NOS2: variants seen among roughly 807,000 people sequenced by gnomAD.
NOS2 encodes the protein nitric oxide synthase, inducible.
A neutral mutation model predicts 136.0 loss-of-function variants in NOS2; 96 were observed. The ratio of observed to expected loss-of-function variants is 0.71; its 90% confidence interval spans 0.60 to 0.84. The LOEUF is 0.84. Ranked by LOEUF, NOS2 falls within the 40% of genes least tolerant of loss-of-function variation. The pLI, the probability that NOS2 is intolerant of heterozygous loss-of-function variation, is 0.00. For missense variants in NOS2, 1,237 were observed against 1,496.9 expected, an observed-to-expected ratio of 0.83 and a Z score of 2.87; for synonymous variants, 539 against 587.5, an observed-to-expected ratio of 0.92 and a Z score of 1.20.
chr17:27,769,478 C>T, intron 16 of NOS2, 57 bp downstream of exon 16: 1 of 1,491,578 alleles, frequency 6.7e-7, no homozygotes, highest in South Asian at 1.1e-5. Flanking sequence ...ATCCCCTGAA[C>T]CCAGACTTTG....
intron 15 of NOS2, among the ~76,000 whole-genome samples, chr17:27,769,954 A>G (rs544919737): frequency 2.7e-4 from 41 of 152,360 alleles, no homozygotes; most frequent in African/African-American, 9.9e-4. Flanking sequence ...AATTGGTCCT[A>G]CAGTCTCTGA....
chr17:27,786,848 T>C (rs1187926979), intron 5 of NOS2, among the ~76,000 whole-genome samples: 2 of 152,174 alleles, frequency 1.3e-5, no homozygotes, highest in Non-Finnish European at 2.9e-5. Flanking sequence ...ACAACCTCTC[T>C]TTGGATGATT....
At chr17:27,773,374 CCT>C (rs1172416516) in intron 12 of NOS2, 131 bp from the exon 13 acceptor site, 11 of 675,354 alleles carry the variant, frequency 1.6e-5, no homozygotes, top group Admixed American at 2.6e-5. Flanking sequence ...GCGCCCCACC[CCT>C]GTCACTGAAC....
intron 23 of NOS2, 82 bp downstream of exon 23, chr17:27,761,062 T>G: frequency 7.6e-7 from 1 of 1,319,014 alleles, no homozygotes; most frequent in African/African-American, 1.5e-5. Flanking sequence ...GAGCGTCTCC[T>G]AAACCCCAGA....
intron 20 of NOS2, among the ~76,000 whole-genome samples, chr17:27,765,118 G>A (rs1485801409): frequency 6.6e-6 from 1 of 152,160 alleles, no homozygotes; most frequent in East Asian, 1.9e-4. Flanking sequence ...GGCTGGGATT[G>A]GGATAACAGG....
chr17:27,794,905 C>T (rs1007225031), intron 2 of NOS2, among the ~76,000 whole-genome samples: 2 of 152,180 alleles, frequency 1.3e-5, no homozygotes, highest in African/African-American at 2.4e-5. Context: ...CCCCTTTGCA[C>T]GGCTGCTTCC....
chr17:27,800,268 G>A (rs942289764), intron 1 of NOS2, 71 bp downstream of exon 1: 1 of 152,152 alleles, frequency 6.6e-6, no homozygotes, highest in Non-Finnish European at 1.5e-5. Flanking sequence ...ACAATTTTCT[G>A]AGCCTTCTCA....
rs3730229 is a variant in NOS2 at position 27,768,972 on chromosome 17, C to T, written c.2034+5G>A. The T allele has an allele frequency of 6.3e-7, 1 of 1,595,482 alleles. No homozygotes were observed. Among genetic ancestry groups the T allele is most frequent in the Non-Finnish European group, 8.5e-7 (1 of 1,170,494 alleles). On this transcript the variant is annotated splice_donor_5th_base_variant and intron_variant, in intron 17 of 26. Transcript: ENST00000313735. Reference sequence around the variant, plus strand: ...GCTGTGGGGCAGCTCTGGCTGGGAACTGACCTTGAAGGTTTGCACGGCCCA... The same window carrying T: ...GCTGTGGGGCAGCTCTGGCTGGGAATTGACCTTGAAGGTTTGCACGGCCCA...
chr17:27,773,301 C>T (rs570504195), intron 12 of NOS2, 58 bp from the exon 13 acceptor site: 51 of 1,222,182 alleles, frequency 4.2e-5, no homozygotes, highest in Admixed American at 1.2e-4. Context: ...GCTCAGCTCG[C>T]GGATGCTGGA....
At chr17:27,787,599 G>C in intron 5 of NOS2, 79 bp downstream of exon 5, 1 of 1,096,108 alleles carries the variant, frequency 9.1e-7, no homozygotes, top group Non-Finnish European at 1.3e-6. Context: ...GATCTAGCTA[G>C]GATCAGAGGG....
intron 5 of NOS2, 33 bp from the exon 6 acceptor site, chr17:27,783,139 A>C (rs1349212379): frequency 6.2e-7 from 1 of 1,610,702 alleles, no homozygotes; most frequent in Non-Finnish European, 8.5e-7. Context: ...GAAGATCAAC[A>C]ATGAGATGGC....
At chr17:27,763,291 C>A (rs1908195470) in intron 21 of NOS2, among the ~76,000 whole-genome samples, 1 of 152,168 alleles carries the variant, frequency 6.6e-6, no homozygotes, top group South Asian at 2.1e-4. Flanking sequence ...GCTTTGGAAC[C>A]AATCAGACCT....
chr17:27,778,859 G>A, intron 10 of NOS2, 23 bp downstream of exon 10: 2 of 1,610,608 alleles, frequency 1.2e-6, no homozygotes, highest in Non-Finnish European at 1.7e-6. Flanking sequence ...CCTTCATCTG[G>A]CCAGCTGGGC....
intron 2 of NOS2, among the ~76,000 whole-genome samples, chr17:27,790,239 G>A (rs1488494120): frequency 2.0e-5 from 3 of 152,070 alleles, no homozygotes; most frequent in Non-Finnish European, 1.5e-5. Context: ...GACTACAGGC[G>A]CACACCACCA....
At chr17:27,778,500 C>T (rs546357158) in intron 11 of NOS2, among the ~76,000 whole-genome samples, 190 bp downstream of exon 11, 5 of 152,218 alleles carry the variant, frequency 3.3e-5, no homozygotes, top group South Asian at 4.1e-4. Context: ...AGTCCTTGAG[C>T]GATTGAGAGA....
chr17:27,772,430 G>C lies in NOS2; in HGVS notation c.1582C>G (p.Leu528Val). The C allele has an allele frequency of 1.2e-6, 2 of 1,614,022 alleles. No individual in the cohort carries two copies. The highest frequency in any genetic ancestry group is 1.7e-6 in the Non-Finnish European group (2 of 1,180,022). The change falls in exon 14 of 27, where the codon CTG becomes GTG. Residue 528 changes from leucine (L) to valine (V), a missense_variant. Physicochemically the swap from Leu to Val is conservative, Grantham distance 32. This residue lies in a region of NOS2 where 782 missense variants were observed against 909.9 expected (regional missense o/e 0.86). Coordinates refer to ENST00000313735, the MANE Select transcript of NOS2 (RefSeq NM_000625.4). ...LVKAVLFACM[L>V]MRKTMASRVR... The stretch of plus-strand genomic sequence containing the variant: ...CGGGACGCCATTGTCTTGCGCATCA[G>C]CATACAGGCAAAGAGCACAGCTCTG...
chr17:27,769,157 C>A lies in NOS2; in HGVS notation c.1860-6G>T. 6.2e-7 allele frequency: 1 copy of A among 1,603,710 alleles called. No homozygotes were observed. The highest frequency in any genetic ancestry group is 8.5e-7 in the Non-Finnish European group (1 of 1,176,790). On this transcript the variant is annotated splice_polypyrimidine_tract_variant and splice_region_variant and intron_variant, in intron 16 of 26. Coordinates refer to ENST00000313735, the MANE Select transcript of NOS2 (RefSeq NM_000625.4). Reference sequence around the variant, plus strand: ...CGAGGCCAAACACAGCGTACCTGCCCGAGGACACACACAGAGACACATGTC... The same window carrying A: ...CGAGGCCAAACACAGCGTACCTGCCAGAGGACACACACAGAGACACATGTC...
At chr17:27,789,808 G>T in intron 2 of NOS2, 120 bp from the exon 3 acceptor site, 1 of 692,326 alleles carries the variant, frequency 1.4e-6, no homozygotes, top group Non-Finnish European at 2.6e-6. Flanking sequence ...GGGTGGGAGT[G>T]AATTGTTCAT....
chr17:27,782,857 G>C (rs2142518741), intron 6 of NOS2, 87 bp downstream of exon 6: 1 of 1,368,728 alleles, frequency 7.3e-7, no homozygotes, highest in Non-Finnish European at 1.0e-6. Context: ...AGGAGGCCTG[G>C]GCACAGCTCT....
Sources: gnomAD v4.1 joint callset for allele counts (sites outside exome capture counted in the v4.1 genomes callset) on GRCh38, gnomAD v4.1.1 for gene constraint, gnomAD v4.1.1 regional missense constraint, MANE v1.5 for transcripts, NCBI Gene and HGNC (gene_info 2026-07-23, HGNC 2026-07-21) for gene names.